PTPRD: variants seen among roughly 807,000 people sequenced by gnomAD.
PTPRD encodes the protein protein tyrosine phosphatase receptor type D, also known as receptor-type tyrosine-protein phosphatase delta.
In PTPRD, 34 loss-of-function variants were observed where a neutral mutation model predicts 214.5. That is an observed-to-expected ratio of 0.16 (90% confidence interval 0.12 to 0.21). The LOEUF (loss-of-function observed/expected upper bound fraction) is 0.21, where lower values mean the gene tolerates loss of function less well. Ranked by LOEUF, PTPRD falls within the 10% of genes least tolerant of loss-of-function variation. PTPRD has a pLI of 1.00. For missense variants in PTPRD, 2,545 were observed against 2,398.7 expected (o/e 1.06, Z -1.27); for synonymous variants, 1,128 against 845.7 (o/e 1.33, Z -5.79).
intron 30 of PTPRD, among the ~76,000 whole-genome samples, chr9:8,481,028 C>CG (rs1555108747): frequency 6.6e-6 from 1 of 150,694 alleles, no homozygotes; most frequent in Admixed American, 6.6e-5. Context: ...TAGTCACAGC[C>CG]GCTCGAGAGG....
intron 44 of PTPRD, among the ~76,000 whole-genome samples, chr9:8,327,996 T>G (rs192574717): frequency 6.6e-6 from 1 of 152,276 alleles, no homozygotes; most frequent in Admixed American, 6.5e-5. Flanking sequence ...GTCTTTTAAT[T>G]GGGGGCATTT....
chr9:9,017,715 G>C (rs916074252), intron 11 of PTPRD, among the ~76,000 whole-genome samples: 1 of 152,102 alleles, frequency 6.6e-6, no homozygotes, highest in South Asian at 2.1e-4. Context: ...ATAATTGCAT[G>C]ATGACTAGAA....
At chr9:9,051,777 T>C (rs925099842) in intron 10 of PTPRD, among the ~76,000 whole-genome samples, 4 of 152,154 alleles carry the variant, frequency 2.6e-5, no homozygotes, top group Admixed American at 6.5e-5. Context: ...TTTCACCCAG[T>C]TGTAGGACTG....
intron 11 of PTPRD, among the ~76,000 whole-genome samples, chr9:8,781,653 G>A (rs1048788141): frequency 2.2e-5 from 1 of 45,276 alleles, no homozygotes; most frequent in Non-Finnish European, 3.8e-5. Flanking sequence ...TGGACTCTGG[G>A]GCAGTGCTTT....
At chr9:10,262,383 G>C (rs946382666) in intron 3 of PTPRD, among the ~76,000 whole-genome samples, 13 of 152,104 alleles carry the variant, frequency 8.5e-5, no homozygotes, top group African/African-American at 3.1e-4. Context: ...ATGTTTATGA[G>C]GTAGACTCTG....
At chr9:10,044,989 G>A (rs1402711108) in intron 3 of PTPRD, among the ~76,000 whole-genome samples, 2 of 151,606 alleles carry the variant, frequency 1.3e-5, no homozygotes, top group Non-Finnish European at 3.0e-5. Flanking sequence ...GCAGCATATA[G>A]AGGCTACTCT....
At chr9:9,648,485 T>C (rs946012966) in intron 7 of PTPRD, among the ~76,000 whole-genome samples, 1 of 152,238 alleles carries the variant, frequency 6.6e-6, no homozygotes, top group African/African-American at 2.4e-5. Context: ...TTGATGTTTC[T>C]GACCTGATGG....
intron 2 of PTPRD, among the ~76,000 whole-genome samples, chr9:10,515,603 T>A (rs1194875739): frequency 4.6e-5 from 7 of 152,010 alleles, no homozygotes. Flanking sequence ...GAATACTTAA[T>A]ATAAGATCTA....
intron 14 of PTPRD, among the ~76,000 whole-genome samples, chr9:8,548,780 C>T (rs557591588): frequency 3.4e-5 from 5 of 145,066 alleles, no homozygotes; most frequent in South Asian, 2.2e-4. Flanking sequence ...CGGCAACCTC[C>T]GCCTCCCAGG....
At chr9:9,185,467 T>C (rs908458787) in intron 9 of PTPRD, among the ~76,000 whole-genome samples, 1 of 152,072 alleles carries the variant, frequency 6.6e-6, no homozygotes, top group South Asian at 2.1e-4. Flanking sequence ...CTCTTTACTA[T>C]TGTCCACTTG....
intron 14 of PTPRD, among the ~76,000 whole-genome samples, chr9:8,546,284 G>C (rs1413796202): frequency 6.6e-6 from 1 of 152,164 alleles, no homozygotes; most frequent in Admixed American, 6.5e-5. Flanking sequence ...TCATCTGCTG[G>C]AGAACAGATT....
At chr9:9,985,772 T>C (rs73406418) in intron 4 of PTPRD, among the ~76,000 whole-genome samples, 3,840 of 151,948 alleles carry the variant, frequency 0.025, 171 homozygotes, top group African/African-American at 0.087. Context: ...TTTTTGATTA[T>C]GAAAAACATT....
At chr9:9,768,653 C>T (rs2098726176) in intron 5 of PTPRD, among the ~76,000 whole-genome samples, 1 of 152,078 alleles carries the variant, frequency 6.6e-6, no homozygotes, top group African/African-American at 2.4e-5. Flanking sequence ...TGCTTACATG[C>T]AGTCTGGCAT....
intron 10 of PTPRD, among the ~76,000 whole-genome samples, chr9:9,098,588 T>C (rs1340107210): frequency 6.6e-6 from 1 of 152,178 alleles, no homozygotes; most frequent in Non-Finnish European, 1.5e-5. Flanking sequence ...TTATTATTAT[T>C]ACAATTTGAG....
intron 12 of PTPRD, among the ~76,000 whole-genome samples, chr9:8,643,007 G>C (rs940664531): frequency 3.9e-5 from 6 of 152,172 alleles, no homozygotes; most frequent in African/African-American, 1.4e-4. Flanking sequence ...ACCAGGGCCT[G>C]TGGGGACAGT....
At chr9:8,820,078 AAG>A (rs1437150263) in intron 11 of PTPRD, among the ~76,000 whole-genome samples, 4 of 152,342 alleles carry the variant, frequency 2.6e-5, no homozygotes, top group African/African-American at 9.6e-5. Context: ...AGCAGAGAAA[AAG>A]ATATAAATCA....
At chr9:9,762,876 A>C (rs906550693) in intron 6 of PTPRD, among the ~76,000 whole-genome samples, 1 of 152,218 alleles carries the variant, frequency 6.6e-6, no homozygotes, top group Admixed American at 6.5e-5. Flanking sequence ...CAAGTGGCTT[A>C]AACAAATGAA....
At chr9:9,727,314 G>A (rs1333858636) in intron 7 of PTPRD, among the ~76,000 whole-genome samples, 1 of 152,052 alleles carries the variant, frequency 6.6e-6, no homozygotes, top group Middle Eastern at 3.2e-3. Context: ...AGCCAGGCGT[G>A]ATGGCACAAG....
rs573767119 is a variant in PTPRD, at chr9:9,325,944, A to T, written c.-203+71505T>A. Among the ~76,000 whole-genome samples the T allele has an allele frequency of 7.2e-5, 11 of 152,188 alleles. No individual in the cohort carries two copies. The East Asian group carries it at 2.1e-3, about 29-fold the overall frequency. On this transcript the variant is annotated intron_variant, in intron 9 of 45. Coordinates refer to ENST00000381196, the MANE Select transcript of PTPRD (RefSeq NM_002839.4). Reference sequence around the variant, plus strand: ...TCAAAGGCCTTTTCTGCTTCTATTGAGATAATCATGTGTTTTTTGTCTTCG... The same window carrying T: ...TCAAAGGCCTTTTCTGCTTCTATTGTGATAATCATGTGTTTTTTGTCTTCG...
Sources: allele counts gnomAD v4.1 joint callset (sites outside exome capture counted in the v4.1 genomes callset), GRCh38; gene constraint gnomAD v4.1.1; transcripts MANE v1.5; gene names NCBI Gene and HGNC (gene_info 2026-07-23, HGNC 2026-07-21).